SLC35F4: variants seen among roughly 807,000 people sequenced by gnomAD.
SLC35F4 encodes solute carrier family 35 member F4, also known as chromosome 14 open reading frame 36.
SLC35F4 carries 24 observed loss-of-function variants against 44.2 expected under a neutral mutation model. The ratio of observed to expected loss-of-function variants is 0.54; its 90% confidence interval spans 0.39 to 0.76. The LOEUF (loss-of-function observed/expected upper bound fraction) is 0.76. Among genes scored for constraint, SLC35F4 ranks in the 30% least tolerant of loss-of-function variants. The pLI is 0.00. For synonymous variants in SLC35F4, 238 were observed against 223.6 expected (o/e 1.06, Z -0.57); for missense variants, 562 against 586.1 (o/e 0.96, Z 0.42).
rs531047076 is a variant in SLC35F4, at chr14:57,826,465, T to C, written c.103+39258A>G. Among the ~76,000 whole-genome samples, 14 of 152,242 alleles carry C rather than the reference T, an allele frequency of 9.2e-5. No individual in the cohort carries two copies. The South Asian group carries it at 2.9e-3, about 32-fold the overall frequency. Reference sequence around the variant, plus strand: ...GACATAGGCATGGGCAAAGATTTCATGATGAAAATGCCAAAAGCAATTGCA... The same window carrying C: ...GACATAGGCATGGGCAAAGATTTCACGATGAAAATGCCAAAAGCAATTGCA... On this transcript the variant is annotated intron_variant, in intron 1 of 7. Transcript: ENST00000556826.
rs531783719 is a variant in SLC35F4 at position 57,941,667 on chromosome 14, T to C, written n.282+40246A>G. 3.9e-5 allele frequency among the ~76,000 whole-genome samples: 6 copies of C among 152,266 alleles called. No homozygotes were observed. In the South Asian group the frequency reaches 1.0e-3, roughly 26 times the overall value. On this transcript the variant is annotated intron_variant and non_coding_transcript_variant, in intron 1 of 1. Coordinates refer to the SLC35F4 transcript ENST00000556568. ...ACTAAATGCCACTGAATTGTTCACT[T>C]TAAAGTGATTAATTTTATGTTAGGC...
At chr14:57,714,661 C>A (rs543847545) in intron 1 of SLC35F4, among the ~76,000 whole-genome samples, 19 of 152,118 alleles carry the variant, frequency 1.2e-4, no homozygotes, top group Non-Finnish European at 2.4e-4. Flanking sequence ...TTGCTAGGCC[C>A]TGAGGCTACT....
At chr14:57,965,229 C>G (rs1053861318) in intron 1 of SLC35F4, among the ~76,000 whole-genome samples, 5 of 152,014 alleles carry the variant, frequency 3.3e-5, no homozygotes, top group Non-Finnish European at 5.9e-5. Flanking sequence ...ATTTCCTTGC[C>G]TTTTCCAGCA....
chr14:57,850,682 A>T (rs566046969), intron 1 of SLC35F4, among the ~76,000 whole-genome samples: 1 of 152,332 alleles, frequency 6.6e-6, no homozygotes, highest in East Asian at 1.9e-4. Context: ...GTTCTTTTGG[A>T]AACACTGTTT....
chr14:57,913,653 A>T (rs1021912648), intron 1 of SLC35F4, among the ~76,000 whole-genome samples: 1 of 152,166 alleles, frequency 6.6e-6, no homozygotes, highest in African/African-American at 2.4e-5. Context: ...ATATATAAAC[A>T]TATACACACA....
intron 1 of SLC35F4, among the ~76,000 whole-genome samples, chr14:57,751,558 C>T (rs981199270): frequency 1.3e-5 from 2 of 152,196 alleles, no homozygotes; most frequent in African/African-American, 4.8e-5. Flanking sequence ...CAACGAAACA[C>T]GTCGATTTAC....
chr14:57,577,275 G>A (rs977462457), intron 4 of SLC35F4, among the ~76,000 whole-genome samples: 1 of 152,156 alleles, frequency 6.6e-6, no homozygotes, highest in Non-Finnish European at 1.5e-5. Context: ...CAGTTTAACT[G>A]ATGTACTTCA....
At chr14:57,759,928 A>C (rs1277222671) in intron 1 of SLC35F4, among the ~76,000 whole-genome samples, 1 of 147,124 alleles carries the variant, frequency 6.8e-6, no homozygotes, top group African/African-American at 2.5e-5. Flanking sequence ...GGAGTTTTCT[A>C]ATATATTTTG....
At chr14:57,775,395 G>T (rs2077464353) in intron 1 of SLC35F4, among the ~76,000 whole-genome samples, 1 of 152,226 alleles carries the variant, frequency 6.6e-6, no homozygotes, top group African/African-American at 2.4e-5. Context: ...CCAGCCATTG[G>T]AGTCTTGGAA....
rs74969132 is a variant in SLC35F4, at chr14:57,776,903, C to T, written c.103+88820G>A. 0.017 allele frequency among the ~76,000 whole-genome samples: 2,527 copies of T among 152,096 alleles called. 256 individuals are homozygous for T. The East Asian group carries it at 0.31, about 19-fold the overall frequency. Reference sequence around the variant, plus strand: ...AGATCCTTTTCAGACAAGCAAATGCCGAGGGTCTCGTAAGAGCTGCCTTAC... The same window carrying T: ...AGATCCTTTTCAGACAAGCAAATGCTGAGGGTCTCGTAAGAGCTGCCTTAC... On this transcript the variant is annotated intron_variant, in intron 1 of 7. Coordinates refer to ENST00000556826, the MANE Select transcript of SLC35F4 (RefSeq NM_001306087.2).
chr14:57,575,335 C>A (rs1049212847), intron 4 of SLC35F4, among the ~76,000 whole-genome samples: 1 of 152,124 alleles, frequency 6.6e-6, no homozygotes, highest in Non-Finnish European at 1.5e-5. Flanking sequence ...TAAAAAGTAG[C>A]CGTGCTTTGG....
chr14:57,803,546 C>T (rs886085849), intron 1 of SLC35F4, among the ~76,000 whole-genome samples: 18 of 146,998 alleles, frequency 1.2e-4, no homozygotes, highest in African/African-American at 4.5e-4. Flanking sequence ...GATCCTATAT[C>T]TAGAAAACCC....
intron 1 of SLC35F4, among the ~76,000 whole-genome samples, chr14:57,667,492 A>G (rs1351976972): frequency 1.8e-5 from 1 of 55,190 alleles, no homozygotes; most frequent in African/African-American, 7.2e-5. Context: ...CCCTCCCCCG[A>G]CCCCACAACA....
At chr14:57,721,314 G>T (rs1399084988) in intron 1 of SLC35F4, among the ~76,000 whole-genome samples, 1 of 152,038 alleles carries the variant, frequency 6.6e-6, no homozygotes, top group Admixed American at 6.5e-5. Context: ...GCTCATGAGA[G>T]GCAAGGAATT....
chr14:57,603,664 C>A (rs1032562439), intron 1 of SLC35F4, among the ~76,000 whole-genome samples: 1 of 152,168 alleles, frequency 6.6e-6, no homozygotes, highest in African/African-American at 2.4e-5. Context: ...AGCGTCTCAG[C>A]CAGATTGTTA....
At chr14:57,727,848 T>C (rs1226728051) in intron 1 of SLC35F4, among the ~76,000 whole-genome samples, 3 of 152,196 alleles carry the variant, frequency 2.0e-5, no homozygotes, top group Non-Finnish European at 4.4e-5. Flanking sequence ...GAGGAAATCA[T>C]GTATTGTGCA....
intron 1 of SLC35F4, among the ~76,000 whole-genome samples, chr14:57,827,967 G>T (rs1368202586): frequency 6.6e-6 from 1 of 152,158 alleles, no homozygotes; most frequent in East Asian, 1.9e-4. Flanking sequence ...TCATGAAGGA[G>T]CCCTAGGATG....
At chr14:57,933,900 T>C (rs999793257) in intron 1 of SLC35F4, among the ~76,000 whole-genome samples, 21 of 152,118 alleles carry the variant, frequency 1.4e-4, no homozygotes, top group African/African-American at 4.6e-4. Flanking sequence ...AAAATATATA[T>C]AATTAAAATA....
intron 1 of SLC35F4, among the ~76,000 whole-genome samples, chr14:57,873,088 C>T (rs927647193): frequency 1.1e-4 from 17 of 152,262 alleles, no homozygotes; most frequent in African/African-American, 3.1e-4. Context: ...TTCAGTGATA[C>T]GGGCTGTATA....
Sources: allele counts gnomAD v4.1 joint callset (sites outside exome capture counted in the v4.1 genomes callset), GRCh38; gene constraint gnomAD v4.1.1; transcripts MANE v1.5; gene names NCBI Gene and HGNC (gene_info 2026-07-23, HGNC 2026-07-21).